ADCY2: variants seen among roughly 807,000 people sequenced by gnomAD.
ADCY2 encodes adenylate cyclase 2, also known as adenylate cyclase type 2.
In ADCY2, 31 loss-of-function variants were observed where a neutral mutation model predicts 125.2. The ratio of observed to expected loss-of-function variants is 0.25; its 90% CI spans 0.19 to 0.33. The LOEUF (loss-of-function observed/expected upper bound fraction) is 0.33, where lower values mean the gene tolerates loss of function less well. Among genes scored for constraint, ADCY2 ranks in the 10% least tolerant of loss-of-function variants. The pLI is 1.00. For synonymous variants in ADCY2, 512 were observed against 548.4 expected (o/e 0.93, Z 0.93); for missense variants, 904 against 1,418.2 (o/e 0.64, Z 5.82).
At chr5:7,796,933 G>A in intron 20 of ADCY2, 1 of 152,336 alleles carries the variant, frequency 6.6e-6, no homozygotes, top group South Asian at 2.1e-4. Flanking sequence ...TTGTGAGCCA[G>A]ACATCCTCAT....
At chr5:7,757,952 T>C (rs1743070628) in intron 16 of ADCY2, among the ~76,000 whole-genome samples, 1 of 152,174 alleles carries the variant, frequency 6.6e-6, no homozygotes, top group Non-Finnish European at 1.5e-5. Context: ...TTGCTCATGG[T>C]GGCCCCTCAA....
At chr5:7,544,085 A>T (rs1332697678) in intron 3 of ADCY2, among the ~76,000 whole-genome samples, 1 of 148,578 alleles carries the variant, frequency 6.7e-6, no homozygotes, top group Non-Finnish European at 1.5e-5. Context: ...CTAGCACTTA[A>T]CCCCCATCCT....
At chr5:7,532,340 G>A (rs1452059102) in intron 3 of ADCY2, among the ~76,000 whole-genome samples, 1 of 152,178 alleles carries the variant, frequency 6.6e-6, no homozygotes, top group African/African-American at 2.4e-5. Flanking sequence ...AGCCACTTGT[G>A]AGTTCTCTCA....
chr5:7,543,596 G>A (rs1735060398), intron 3 of ADCY2, among the ~76,000 whole-genome samples: 1 of 152,132 alleles, frequency 6.6e-6, no homozygotes, highest in African/African-American at 2.4e-5. Flanking sequence ...GTTGGTGCAA[G>A]AGTAATTGCA....
intron 2 of ADCY2, among the ~76,000 whole-genome samples, chr5:7,504,981 G>T (rs1350214884): frequency 6.6e-6 from 1 of 151,976 alleles, no homozygotes; most frequent in Non-Finnish European, 1.5e-5. Context: ...AGGCACAAGT[G>T]ATCCTCCCAC....
At chr5:7,804,749 ACC>A in intron 22 of ADCY2, 57 bp downstream of exon 22, 1 of 1,299,790 alleles carries the variant, frequency 7.7e-7, no homozygotes, top group Non-Finnish European at 1.1e-6. Context: ...TCCACAAACC[ACC>A]CTGGGACCAA....
At chr5:7,790,447 T>G (rs1482745504) in intron 20 of ADCY2, among the ~76,000 whole-genome samples, 1 of 152,228 alleles carries the variant, frequency 6.6e-6, no homozygotes, top group East Asian at 1.9e-4. Context: ...AGTTAAATAT[T>G]GAAATGGGTT....
intron 3 of ADCY2, among the ~76,000 whole-genome samples, chr5:7,601,144 A>G (rs1451527949): frequency 1.3e-5 from 2 of 152,158 alleles, no homozygotes; most frequent in Non-Finnish European, 2.9e-5. Context: ...CGTCTTTCCC[A>G]GGGTGAAGGA....
intron 20 of ADCY2, chr5:7,799,724 C>G (rs537308873): frequency 1.3e-5 from 2 of 152,364 alleles, no homozygotes; most frequent in South Asian, 4.1e-4. Flanking sequence ...CAGAATAACC[C>G]AGGGAACTTT....
intron 2 of ADCY2, among the ~76,000 whole-genome samples, chr5:7,457,517 T>G (rs1741729352): frequency 6.6e-6 from 1 of 152,124 alleles, no homozygotes. Context: ...GCTCCTTCTG[T>G]CCTTTTCTGT....
At chr5:7,651,329 ACG>A (rs1739081243) in intron 4 of ADCY2, among the ~76,000 whole-genome samples, 1 of 152,192 alleles carries the variant, frequency 6.6e-6, no homozygotes, top group Non-Finnish European at 1.5e-5. Flanking sequence ...ATTGACTCAC[ACG>A]ATCACAAGGT....
chr5:7,610,210 A>C (rs1189904274), intron 3 of ADCY2, among the ~76,000 whole-genome samples: 1 of 152,206 alleles, frequency 6.6e-6, no homozygotes, highest in African/African-American at 2.4e-5. Context: ...TATATGGATG[A>C]TGCTGCAAGG....
chr5:7,615,112 C>T (rs533307525), intron 3 of ADCY2, among the ~76,000 whole-genome samples: 9 of 152,230 alleles, frequency 5.9e-5, no homozygotes, highest in African/African-American at 1.9e-4. Flanking sequence ...TTGTAAACAG[C>T]CAGATCTCAT....
chr5:7,767,602 G>T (rs746732296), intron 17 of ADCY2, among the ~76,000 whole-genome samples: 1 of 152,116 alleles, frequency 6.6e-6, no homozygotes, highest in Non-Finnish European at 1.5e-5. Flanking sequence ...TTTTAACTCC[G>T]TTAGCTTTGG....
chr5:7,645,658 C>A (rs1561142497), intron 4 of ADCY2, among the ~76,000 whole-genome samples: 1 of 152,092 alleles, frequency 6.6e-6, no homozygotes, highest in Non-Finnish European at 1.5e-5. Flanking sequence ...TCACTATTTA[C>A]AGACATTTGT....
chr5:7,467,176 T>G (rs1001847705), intron 2 of ADCY2, among the ~76,000 whole-genome samples: 1 of 152,200 alleles, frequency 6.6e-6, no homozygotes, highest in African/African-American at 2.4e-5. Flanking sequence ...ACCCAGATAG[T>G]GGCTTCGAAC....
chr5:7,414,611 A>C lies in ADCY2; in HGVS notation c.249A>C (p.Pro83=), dbSNP rs140317753. ...EDHVAFLITV[P]TALAIFFAIF... is the part of the protein sequence containing the mutation. ...ATGTGGCGTTTCTAATAACAGTTCC[A>C]ACTGCCCTGGCGATTTTCTTTGCGA... The change falls in exon 2 of 25, where the codon CCA becomes CCC. Residue 83 remains proline (P), a synonymous_variant. Transcript: ENST00000338316. The C allele has an allele frequency of 5.0e-6, 8 of 1,613,548 alleles. No homozygotes were observed. Among genetic ancestry groups the C allele is most frequent in the Non-Finnish European group, 6.8e-6 (8 of 1,179,862 alleles).
intron 4 of ADCY2, among the ~76,000 whole-genome samples, chr5:7,635,198 TAAG>T (rs1411711921): frequency 6.6e-6 from 1 of 152,084 alleles, no homozygotes; most frequent in African/African-American, 2.4e-5. Flanking sequence ...GGGTTTTGAG[TAAG>T]ATAGCAACGT....
At chr5:7,576,047 T>C (rs1736235335) in intron 3 of ADCY2, among the ~76,000 whole-genome samples, 1 of 152,236 alleles carries the variant, frequency 6.6e-6, no homozygotes, top group African/African-American at 2.4e-5. Flanking sequence ...AAATTGGTGC[T>C]CTGGCTGGGT....
Sources: gnomAD v4.1 joint callset for allele counts (sites outside exome capture counted in the v4.1 genomes callset) on GRCh38, gnomAD v4.1.1 for gene constraint, MANE v1.5 for transcripts, NCBI Gene and HGNC (gene_info 2026-07-23, HGNC 2026-07-21) for gene names.